SYT1: variants seen among roughly 807,000 people sequenced by gnomAD.
SYT1 encodes the protein synaptotagmin-1.
In SYT1, 8 loss-of-function variants were observed where a neutral mutation model predicts 44.8. That is an observed-to-expected ratio of 0.18 (90% CI 0.10 to 0.32). The LOEUF (loss-of-function observed/expected upper bound fraction) is 0.32. Among genes scored for constraint, SYT1 ranks in the 10% least tolerant of loss-of-function variants. The pLI is 1.00. For missense variants in SYT1, 286 were observed against 509.3 expected (o/e 0.56, Z 4.22); for synonymous variants, 154 against 188.8 (o/e 0.82, Z 1.51).
intron 9 of SYT1, among the ~76,000 whole-genome samples, chr12:79,416,389 C>T (rs1050275644): frequency 1.3e-5 from 2 of 152,128 alleles, no homozygotes; most frequent in Non-Finnish European, 2.9e-5. Flanking sequence ...CATTTCATGT[C>T]CAAATGCTTC....
chr12:79,273,508 A>C (rs1878544738), intron 4 of SYT1, among the ~76,000 whole-genome samples: 1 of 152,140 alleles, frequency 6.6e-6, no homozygotes, highest in African/African-American at 2.4e-5. Flanking sequence ...TGAGGCAGAA[A>C]ACTGTGAGTC....
chr12:79,175,236 C>A (rs1871786511), intron 3 of SYT1, among the ~76,000 whole-genome samples: 1 of 152,036 alleles, frequency 6.6e-6, no homozygotes, highest in Non-Finnish European at 1.5e-5. Flanking sequence ...ACATCTGCGA[C>A]ATAGGCCTGG....
intron 1 of SYT1, among the ~76,000 whole-genome samples, chr12:78,972,938 T>C (rs1185314626): frequency 6.6e-6 from 1 of 152,110 alleles, no homozygotes; most frequent in Non-Finnish European, 1.5e-5. Flanking sequence ...CTTAAAATAA[T>C]TGAATCTTAC....
At chr12:78,878,728 C>A (rs932141480) in intron 1 of SYT1, among the ~76,000 whole-genome samples, 2 of 151,608 alleles carry the variant, frequency 1.3e-5, no homozygotes, top group African/African-American at 4.8e-5. Flanking sequence ...TCTGTGGTAG[C>A]AAACAGTACA....
At chr12:79,249,399 C>T (rs1334474490) in intron 4 of SYT1, among the ~76,000 whole-genome samples, 3 of 152,134 alleles carry the variant, frequency 2.0e-5, no homozygotes, top group Admixed American at 1.3e-4. Context: ...CCACCGCGCC[C>T]GGCCCTCTTT....
intron 1 of SYT1, among the ~76,000 whole-genome samples, chr12:78,910,087 T>C (rs190389353): frequency 1.0e-3 from 154 of 152,022 alleles, no homozygotes; most frequent in African/African-American, 3.6e-3. Flanking sequence ...ACATTTCATA[T>C]CTAGAAATAA....
intron 3 of SYT1, among the ~76,000 whole-genome samples, chr12:79,215,526 A>G (rs1831727519): frequency 6.6e-6 from 1 of 152,162 alleles, no homozygotes; most frequent in African/African-American, 2.4e-5. Context: ...ATGGAAAATT[A>G]AAAACTTAAA....
chr12:79,087,537 G>A (rs1474265612), intron 3 of SYT1, among the ~76,000 whole-genome samples: 1 of 152,086 alleles, frequency 6.6e-6, no homozygotes, highest in Non-Finnish European at 1.5e-5. Context: ...TGATGAATAG[G>A]ACTAGTTCCT....
intron 3 of SYT1, among the ~76,000 whole-genome samples, chr12:79,090,956 G>A (rs1057415425): frequency 6.6e-6 from 1 of 151,892 alleles, no homozygotes. Flanking sequence ...TTTCCTGTGA[G>A]TTAATCTTTC....
chr12:79,265,830 A>G (rs1208770175), intron 4 of SYT1, among the ~76,000 whole-genome samples: 1 of 152,216 alleles, frequency 6.6e-6, no homozygotes, highest in Non-Finnish European at 1.5e-5. Flanking sequence ...GCATGCAAGA[A>G]GAGTAAAACT....
Position 79,217,600 on chromosome 12 carries a change from A to G in SYT1, c.81A>G (p.Thr27=), listed in dbSNP as rs200822917. The change falls in exon 4 of 11, where the codon ACA becomes ACG. Residue 27 remains threonine (T), a synonymous_variant. Transcript: ENST00000261205. ...TVATVLPSNA[T]EPASPGEGKE... The stretch of plus-strand genomic sequence containing the variant: ...CGACTGTTCTGCCAAGCAACGCCAC[A>G]GAGCCAGCCAGTCCTGGAGAAGGAA... 31 of 1,613,150 alleles carry G rather than the reference A, an allele frequency of 1.9e-5. No homozygotes were observed. Among genetic ancestry groups the G allele is most frequent in the Non-Finnish European group, 5.1e-6 (6 of 1,179,620 alleles).
At chr12:79,073,390 T>A (rs1876419072) in intron 3 of SYT1, among the ~76,000 whole-genome samples, 1 of 152,140 alleles carries the variant, frequency 6.6e-6, no homozygotes, top group Admixed American at 6.6e-5. Flanking sequence ...TAAAGGCATT[T>A]TTAAAAGTAG....
intron 1 of SYT1, among the ~76,000 whole-genome samples, chr12:78,878,910 T>C (rs989526213): frequency 6.6e-6 from 1 of 151,632 alleles, no homozygotes; most frequent in Admixed American, 6.6e-5. Flanking sequence ...AAGACTGTCA[T>C]CTCAATGTAA....
At chr12:79,015,820 A>G (rs1204375788) in intron 2 of SYT1, among the ~76,000 whole-genome samples, 2 of 152,158 alleles carry the variant, frequency 1.3e-5, no homozygotes, top group Non-Finnish European at 2.9e-5. Flanking sequence ...GTATTCTGCT[A>G]GTGTTTATTT....
At chr12:79,214,204 T>C (rs889271467) in intron 3 of SYT1, among the ~76,000 whole-genome samples, 9 of 152,220 alleles carry the variant, frequency 5.9e-5, no homozygotes, top group Admixed American at 2.6e-4. Flanking sequence ...TTTTTTTAAA[T>C]TTCACAGTGG....
At chr12:79,175,490 A>G (rs1408679270) in intron 3 of SYT1, among the ~76,000 whole-genome samples, 6 of 152,112 alleles carry the variant, frequency 3.9e-5, no homozygotes, top group Admixed American at 6.6e-5. Flanking sequence ...TAAAATTTTT[A>G]TAAAAGCACA....
chr12:78,949,485 A>C (rs1462372972), intron 1 of SYT1, among the ~76,000 whole-genome samples: 1 of 151,880 alleles, frequency 6.6e-6, no homozygotes, highest in Non-Finnish European at 1.5e-5. Flanking sequence ...ATTAAAAAAA[A>C]AAAAACCTTA....
At position 79,221,690 on chromosome 12, in the gene SYT1, C is replaced by G. The variant is rs563886607; in HGVS notation, c.166+4005C>G. ...ATGAAAAAACCTCTACAATTTTACT[C>G]CTCTACTGTCCACATTTTGAATTTT... is the stretch of plus-strand genomic sequence containing the variant. On this transcript the variant is annotated intron_variant, in intron 4 of 10. Transcript: ENST00000261205. Among the ~76,000 whole-genome samples, 7 of 152,210 alleles carry G rather than the reference C, an allele frequency of 4.6e-5. 1 individual carries two copies. Among genetic ancestry groups the G allele is most frequent in the African/African-American group, 1.4e-4 (6 of 41,540 alleles).
At chr12:78,878,100 C>T (rs573903319) in intron 1 of SYT1, among the ~76,000 whole-genome samples, 1 of 151,838 alleles carries the variant, frequency 6.6e-6, no homozygotes, top group Admixed American at 6.6e-5. Context: ...AGCTCTTAAG[C>T]TTCCTTTTGG....
Sources: gnomAD v4.1 joint callset for allele counts (sites outside exome capture counted in the v4.1 genomes callset) on GRCh38, gnomAD v4.1.1 for gene constraint, MANE v1.5 for transcripts, NCBI Gene and HGNC (gene_info 2026-07-23, HGNC 2026-07-21) for gene names.